The following CNOT4 variants were observed in gnomAD, a reference collection of about 807,000 sequenced individuals.
The protein encoded by CNOT4 is CCR4-NOT transcription complex subunit 4.
A neutral mutation model predicts 73.8 loss-of-function variants in CNOT4; 8 were observed. The ratio of observed to expected loss-of-function variants is 0.11; its 90% confidence interval spans 0.06 to 0.20. CNOT4 has a LOEUF of 0.20. CNOT4 is among the 10% of genes least tolerant of loss of function. The pLI, the probability that CNOT4 is intolerant of heterozygous loss-of-function variation, is 1.00. For missense variants in CNOT4, 564 were observed against 883.4 expected (o/e 0.64, Z 4.58); for synonymous variants, 293 against 321.1 (o/e 0.91, Z 0.94).
chr7:135,451,508 G>C (rs905652579), intron 1 of CNOT4, among the ~76,000 whole-genome samples: 1 of 152,042 alleles, frequency 6.6e-6, no homozygotes, highest in Non-Finnish European at 1.5e-5. Flanking sequence ...GGACAGGGTG[G>C]TCTCGAACTC....
rs538595282 is a variant in CNOT4 at position 135,440,329 on chromosome 7, C to CTT, written c.-92-1908_-92-1907dup. 1.1e-4 allele frequency among the ~76,000 whole-genome samples: 15 copies of CTT among 137,852 alleles called. No individual in the cohort carries two copies. In the East Asian group the frequency reaches 1.3e-3, roughly 12 times the overall value. 90.4% of individuals were successfully genotyped at this position (137,852 alleles called of 152,430 possible). A position where few individuals can be genotyped will look rare whatever the true frequency, so the allele number is the denominator to read the frequency against. ...CAATCTTTAGTTAACAGCCAGGTAA[C>CTT]TTTTTTTTTTTTTTTACCCCATCAG... On this transcript the variant is annotated intron_variant, in intron 1 of 11. Coordinates refer to ENST00000541284, the MANE Select transcript of CNOT4 (RefSeq NM_001190850.2).
intron 3 of CNOT4, among the ~76,000 whole-genome samples, chr7:135,416,929 T>A (rs1797906037): frequency 6.6e-6 from 1 of 152,174 alleles, no homozygotes; most frequent in Non-Finnish European, 1.5e-5. Context: ...AAGACATGCC[T>A]GAAGCTGTTT....
At position 135,445,271 on chromosome 7, in the gene CNOT4, T is replaced by C. The variant is rs993710287; in HGVS notation, c.-92-6848A>G. On this transcript the variant is annotated intron_variant, in intron 1 of 11. Coordinates refer to ENST00000541284, the MANE Select transcript of CNOT4 (RefSeq NM_001190850.2). ...GAGAATCCAGCTTTATTACTATTAG[T>C]ATATGATCAAACTTCCATATTTGCC... Among the ~76,000 whole-genome samples the C allele has an allele frequency of 1.6e-4, 24 of 152,222 alleles. 1 individual carries two copies. Among genetic ancestry groups the C allele is most frequent in the Non-Finnish European group, 2.1e-4 (14 of 68,038 alleles).
At chr7:135,387,841 G>A (rs1796198086) in intron 10 of CNOT4, 1 of 978,702 alleles carries the variant, frequency 1.0e-6, no homozygotes, top group African/African-American at 1.7e-5. Flanking sequence ...AATTTAGGTG[G>A]CCTAATTTTA....
chr7:135,450,104 G>C (rs1234300020), intron 1 of CNOT4, among the ~76,000 whole-genome samples: 1 of 152,116 alleles, frequency 6.6e-6, no homozygotes, highest in Non-Finnish European at 1.5e-5. Flanking sequence ...CCAGCTACTT[G>C]GGAAACTGAG....
chr7:135,451,033 C>T (rs183469620), intron 1 of CNOT4, among the ~76,000 whole-genome samples: 33 of 152,252 alleles, frequency 2.2e-4, no homozygotes, highest in East Asian at 1.9e-3. Flanking sequence ...AGGGTAATCA[C>T]ATAATCCTCT....
chr7:135,376,408 AT>A (rs1179776591), intron 10 of CNOT4, among the ~76,000 whole-genome samples: 2 of 152,084 alleles, frequency 1.3e-5, no homozygotes, highest in Admixed American at 1.3e-4. Flanking sequence ...AGTTCTGCTT[AT>A]TTCTTAGCAG....
At chr7:135,423,697 G>C (rs1585621784) in intron 2 of CNOT4, among the ~76,000 whole-genome samples, 1 of 152,006 alleles carries the variant, frequency 6.6e-6, no homozygotes, top group African/African-American at 2.4e-5. Context: ...ATGAATTAGA[G>C]CTGGTGACCC....
At chr7:135,408,138 G>A (rs1797398191) in intron 7 of CNOT4, among the ~76,000 whole-genome samples, 1 of 151,996 alleles carries the variant, frequency 6.6e-6, no homozygotes, top group South Asian at 2.1e-4. Context: ...CTACTTGTAG[G>A]AACAATCAAA....
intron 2 of CNOT4, among the ~76,000 whole-genome samples, chr7:135,427,596 A>C (rs972914775): frequency 2.6e-5 from 4 of 152,228 alleles, no homozygotes; most frequent in Admixed American, 2.0e-4. Context: ...TTAAACCAAG[A>C]GTTATGGAAG....
intron 1 of CNOT4, among the ~76,000 whole-genome samples, chr7:135,481,268 G>A (rs1378336339): frequency 2.6e-5 from 4 of 151,516 alleles, no homozygotes; most frequent in African/African-American, 9.7e-5. Flanking sequence ...ATTAAAAAGT[G>A]GGCAAAGGAC....
chr7:135,422,193 A>C lies in CNOT4; in HGVS notation c.335T>G (p.Phe112Cys). The C allele has an allele frequency of 6.2e-7, 1 of 1,612,110 alleles. No individual in the cohort carries two copies. Among genetic ancestry groups the C allele is most frequent in the Non-Finnish European group, 8.5e-7 (1 of 1,178,202 alleles). ...TAGGCGCTGAGATAAACCTACAACA[A>C]AGACGAGGTTTTTTTGTACGACACG... ...SVRVVQKNLV[F>C]VVGLSQRLAD... is the part of the protein sequence containing the mutation. The change falls in exon 3 of 12, where the codon TTT (phenylalanine) becomes TGT (cysteine). Residue 112 changes from phenylalanine to cysteine, a missense_variant. Phe to Cys is a radical substitution (Grantham distance 205, BLOSUM62 -2). Coordinates refer to ENST00000541284, the MANE Select transcript of CNOT4 (RefSeq NM_001190850.2).
intron 1 of CNOT4, chr7:135,444,571 TC>T (rs1398700023): frequency 1.7e-5 from 23 of 1,369,600 alleles, no homozygotes; most frequent in Non-Finnish European, 2.2e-5. Flanking sequence ...GACCGACCTA[TC>T]CCAGAATGAT....
intron 2 of CNOT4, among the ~76,000 whole-genome samples, chr7:135,428,586 A>C (rs1363839667): frequency 2.6e-5 from 4 of 152,214 alleles, no homozygotes; most frequent in Admixed American, 2.6e-4. Flanking sequence ...CTCAACAGAC[A>C]TATTTAGTGG....
At chr7:135,491,811 T>C (rs1374086192) in intron 1 of CNOT4, among the ~76,000 whole-genome samples, 1 of 152,188 alleles carries the variant, frequency 6.6e-6, no homozygotes, top group East Asian at 1.9e-4. Flanking sequence ...GGAGAATGGC[T>C]AGGGCAATGT....
At chr7:135,444,014 C>T (rs1363773172) in intron 1 of CNOT4, among the ~76,000 whole-genome samples, 1 of 151,876 alleles carries the variant, frequency 6.6e-6, no homozygotes, top group Non-Finnish European at 1.5e-5. Context: ...GTAGTGCACA[C>T]CTGTAGTCTT....
At chr7:135,424,041 AC>A (rs1798348445) in intron 2 of CNOT4, among the ~76,000 whole-genome samples, 4 of 2,256 alleles carry the variant, frequency 1.8e-3, no homozygotes, top group South Asian at 0.02. Context: ...AACAAACAAA[AC>A]ACACACACAC....
In CNOT4 at chr7:135,472,293, C is replaced by T. The variant is rs368557127; in HGVS notation, c.-92-33870G>A. Among the ~76,000 whole-genome samples, 17 of 147,648 alleles carry T rather than the reference C, an allele frequency of 1.2e-4. No individual in the cohort carries two copies. In the East Asian group the frequency reaches 3.2e-3, roughly 28 times the overall value. On this transcript the variant is annotated intron_variant, in intron 1 of 11. Coordinates refer to ENST00000541284, the MANE Select transcript of CNOT4 (RefSeq NM_001190850.2). ...GAGATCGAGACCATCCTGGATAACA[C>T]AGTGACACCCCGTCTCTACTAAAAA...
chr7:135,387,548 T>C (rs933191884), intron 10 of CNOT4: 2 of 967,960 alleles, frequency 2.1e-6, no homozygotes, highest in African/African-American at 3.5e-5. Flanking sequence ...ATTATCCCCT[T>C]TCATACTTTT....
Sources: gnomAD v4.1 joint callset for allele counts (sites outside exome capture counted in the v4.1 genomes callset) on GRCh38, gnomAD v4.1.1 for gene constraint, MANE v1.5 for transcripts, NCBI Gene and HGNC (gene_info 2026-07-23, HGNC 2026-07-21) for gene names.